MTUS2: variants seen among roughly 807,000 people sequenced by gnomAD.
MTUS2 encodes the protein microtubule associated scaffold protein 2, also known as microtubule-associated tumor suppressor candidate 2.
MTUS2 carries 40 observed loss-of-function variants against 114.1 expected under a neutral mutation model. The observed-to-expected ratio is 0.35, with a 90% CI of 0.27 to 0.46. The LOEUF (loss-of-function observed/expected upper bound fraction) is 0.46, where lower values mean the gene tolerates loss of function less well. MTUS2 is among the 20% of genes least tolerant of loss of function. The probability of loss-of-function intolerance (pLI) is 1.00; values close to 1 mark genes in which losing one functional copy is unlikely to be tolerated. For missense variants in MTUS2, 1,679 were observed against 1,705.4 expected (o/e 0.98, Z 0.27); for synonymous variants, 688 against 672.0 (o/e 1.02, Z -0.37).
At chr13:29,415,900 G>A (rs1374751410) in intron 8 of MTUS2, among the ~76,000 whole-genome samples, 1 of 151,604 alleles carries the variant, frequency 6.6e-6, no homozygotes, top group Non-Finnish European at 1.5e-5. Context: ...TAACCTTTGA[G>A]CACCTAGCTT....
chr13:29,293,706 GTAAA>G (rs1898814950), intron 6 of MTUS2, among the ~76,000 whole-genome samples: 1 of 152,058 alleles, frequency 6.6e-6, no homozygotes, highest in Non-Finnish European at 1.5e-5. Context: ...ATGGAAATAT[GTAAA>G]TAAGTTATGA....
At chr13:28,953,324 C>T (rs1464769275) in intron 2 of MTUS2, among the ~76,000 whole-genome samples, 4 of 152,116 alleles carry the variant, frequency 2.6e-5, no homozygotes, top group Non-Finnish European at 5.9e-5. Context: ...GCCCGGCCAA[C>T]ATGGTAAAAC....
In MTUS2 at chr13:28,938,379, CAA is replaced by C. The variant is rs200546939; in HGVS notation, c.-242-86065_-242-86064del. Among the ~76,000 whole-genome samples the C allele has an allele frequency of 9.9e-3, 1,043 of 105,580 alleles. 9 individuals are homozygous for C. Among genetic ancestry groups the C allele is most frequent in the East Asian group, 0.055 (214 of 3,878 alleles). 69.3% of individuals were successfully genotyped at this position (105,580 alleles called of 152,430 possible). ...CTGGTGACAGAGTGAGACTCTGTCTCAAAAAAAAAAAAAATAGTCTTTTTGAT... is the reference window on the plus strand; with the variant it reads ...CTGGTGACAGAGTGAGACTCTGTCTCAAAAAAAAAAAATAGTCTTTTTGAT... On this transcript the variant is annotated intron_variant, in intron 2 of 15. Transcript: ENST00000612955.
intron 8 of MTUS2, among the ~76,000 whole-genome samples, chr13:29,363,990 G>C (rs1418521849): frequency 1.3e-5 from 2 of 152,118 alleles, no homozygotes. Context: ...AACATAATTA[G>C]AAAGTGATGG....
At chr13:29,392,383 A>G (rs1160455988) in intron 8 of MTUS2, among the ~76,000 whole-genome samples, 1 of 152,164 alleles carries the variant, frequency 6.6e-6, no homozygotes, top group African/African-American at 2.4e-5. Context: ...AGGTTTGTTC[A>G]GTTGCAGCAC....
At chr13:29,440,739 C>G (rs1382429882) in intron 9 of MTUS2, among the ~76,000 whole-genome samples, 1 of 152,102 alleles carries the variant, frequency 6.6e-6, no homozygotes, top group Non-Finnish European at 1.5e-5. Flanking sequence ...CCGCTATTCT[C>G]TTTACCAGTG....
rs142306384 is a variant in MTUS2 at position 29,361,134 on chromosome 13, C to T, written c.3117+1661C>T. Among the ~76,000 whole-genome samples the T allele has an allele frequency of 7.2e-3, 1,090 of 152,270 alleles. 13 individuals carry two copies. The highest frequency in any genetic ancestry group is 0.025 in the African/African-American group (1,043 of 41,564). On this transcript the variant is annotated intron_variant, in intron 8 of 15. Transcript: ENST00000612955. ...ATGTTCCAGGAAAATTCCTTGTTGG[C>T]CTGCAGACCAGGAGTTTTACTTCTC...
intron 2 of MTUS2, among the ~76,000 whole-genome samples, chr13:28,990,272 G>A (rs1318036309): frequency 6.6e-6 from 1 of 152,198 alleles, no homozygotes; most frequent in African/African-American, 2.4e-5. Flanking sequence ...GTGAGAGGAT[G>A]GGGGATGGTA....
intron 9 of MTUS2, among the ~76,000 whole-genome samples, chr13:29,467,627 A>AT (rs199884714): frequency 0.019 from 2,907 of 151,576 alleles, 79 homozygotes; most frequent in African/African-American, 0.065. Context: ...CTTGGACAGC[A>AT]TTTTTTTTTC....
At chr13:29,364,202 TA>T (rs570080297) in intron 8 of MTUS2, among the ~76,000 whole-genome samples, 267 of 151,948 alleles carry the variant, frequency 1.8e-3, no homozygotes, top group Middle Eastern at 0.014. Context: ...GCTGTTGCCA[TA>T]AAAAAAATAC....
chr13:29,359,440 C>T lies in MTUS2; in HGVS notation c.3084C>T (p.Ala1028=), dbSNP rs1184477506. ...AGAGGGCCATCTGCGGCTTTGATGC[C>T]CTCGCCGTGGCCACGCAGCATTTCT... ...ELKRAICGFD[A]LAVATQHFFR... The change falls in exon 8 of 16, where the codon GCC becomes GCT. Residue 1028 remains alanine, a synonymous_variant. Coordinates refer to ENST00000612955, the MANE Select transcript of MTUS2 (RefSeq NM_001033602.4). The T allele has an allele frequency of 2.5e-6, 4 of 1,612,530 alleles. No homozygotes were observed. The highest frequency in any genetic ancestry group is 3.4e-6 in the Non-Finnish European group (4 of 1,179,580).
intron 2 of MTUS2, among the ~76,000 whole-genome samples, chr13:28,958,421 G>A (rs1238375315): frequency 6.6e-6 from 1 of 152,218 alleles, no homozygotes; most frequent in Non-Finnish European, 1.5e-5. Context: ...AACTGAAGAT[G>A]GTGAGGAAAA....
chr13:29,447,892 C>T (rs73444053), intron 9 of MTUS2, among the ~76,000 whole-genome samples: 1 of 152,046 alleles, frequency 6.6e-6, no homozygotes, highest in Admixed American at 6.5e-5. Context: ...AAATATGACC[C>T]TTGATTTTTC....
intron 5 of MTUS2, among the ~76,000 whole-genome samples, chr13:29,267,765 T>C (rs1249556680): frequency 1.3e-5 from 2 of 151,880 alleles, no homozygotes; most frequent in African/African-American, 4.8e-5. Context: ...AGAAAGTCTG[T>C]GGACCAGCAG....
chr13:29,433,239 A>G (rs989538634), intron 8 of MTUS2, among the ~76,000 whole-genome samples: 1 of 152,224 alleles, frequency 6.6e-6, no homozygotes, highest in Non-Finnish European at 1.5e-5. Context: ...CCCCACATGC[A>G]CAAAGGCAAA....
At chr13:29,011,155 A>G (rs1252035578) in intron 2 of MTUS2, among the ~76,000 whole-genome samples, 1 of 152,252 alleles carries the variant, frequency 6.6e-6, no homozygotes, top group Non-Finnish European at 1.5e-5. Flanking sequence ...AGCGTCTTTG[A>G]TTAAAATGGA....
chr13:29,340,240 C>T (rs1901325117), intron 7 of MTUS2, among the ~76,000 whole-genome samples: 1 of 152,188 alleles, frequency 6.6e-6, no homozygotes, highest in Non-Finnish European at 1.5e-5. Flanking sequence ...TGGTCCCAGT[C>T]ACTTGGCTCT....
At chr13:29,064,333 G>A (rs1331788518) in intron 4 of MTUS2, among the ~76,000 whole-genome samples, 2 of 150,920 alleles carry the variant, frequency 1.3e-5, no homozygotes, top group African/African-American at 2.4e-5. Flanking sequence ...AATAAAGCCA[G>A]ATGGGTAGGT....
intron 9 of MTUS2, among the ~76,000 whole-genome samples, chr13:29,459,903 C>A (rs1879364810): frequency 6.6e-6 from 1 of 152,136 alleles, no homozygotes; most frequent in African/African-American, 2.4e-5. Context: ...TCTTCCTAAA[C>A]TGTTCTGTCC....
Sources: allele counts gnomAD v4.1 joint callset (sites outside exome capture counted in the v4.1 genomes callset), GRCh38; gene constraint gnomAD v4.1.1; transcripts MANE v1.5; gene names NCBI Gene and HGNC (gene_info 2026-07-23, HGNC 2026-07-21).